The following CNTNAP5 variants were observed in gnomAD, a reference collection of about 807,000 sequenced individuals.
The protein encoded by CNTNAP5 is contactin-associated protein-like 5.
CNTNAP5 carries 72 observed loss-of-function variants against 150.2 expected under a neutral mutation model. The observed-to-expected ratio is 0.48, with a 90% CI of 0.40 to 0.58. The LOEUF (loss-of-function observed/expected upper bound fraction) is 0.58, where lower values mean the gene tolerates loss of function less well. Ranked by LOEUF, CNTNAP5 falls within the 20% of genes least tolerant of loss-of-function variation. CNTNAP5 has a pLI of 0.00. For synonymous variants in CNTNAP5, 672 were observed against 619.8 expected (o/e 1.08, Z -1.25); for missense variants, 1,636 against 1,626.2 (o/e 1.01, Z -0.10).
chr2:124,650,106 A>G (rs1033644052), intron 13 of CNTNAP5, among the ~76,000 whole-genome samples: 1 of 152,132 alleles, frequency 6.6e-6, no homozygotes, highest in African/African-American at 2.4e-5. Flanking sequence ...AGGAAGACAC[A>G]CCATATTTTT....
chr2:124,160,417 G>T (rs542388811), intron 1 of CNTNAP5, among the ~76,000 whole-genome samples: 23 of 151,602 alleles, frequency 1.5e-4, no homozygotes, highest in African/African-American at 5.4e-4. Flanking sequence ...ATAACATTAA[G>T]GTGATCAGAT....
At chr2:124,773,155 AT>A in intron 17 of CNTNAP5, 138 bp downstream of exon 17, 1 of 700,422 alleles carries the variant, frequency 1.4e-6, no homozygotes, top group Non-Finnish European at 2.5e-6. Flanking sequence ...GGTAAATTTC[AT>A]TCTATACATT....
intron 13 of CNTNAP5, among the ~76,000 whole-genome samples, chr2:124,697,502 A>G (rs1046787915): frequency 1.3e-5 from 2 of 151,864 alleles, no homozygotes; most frequent in Non-Finnish European, 2.9e-5. Flanking sequence ...TGTTTATTCA[A>G]TACTTGACTT....
chr2:124,775,792 T>G (rs997746708), intron 17 of CNTNAP5, among the ~76,000 whole-genome samples: 6 of 152,168 alleles, frequency 3.9e-5, no homozygotes, highest in African/African-American at 1.4e-4. Flanking sequence ...ATGCAGCTTC[T>G]GAAATGTAAG....
chr2:124,126,328 G>A (rs1036475566), intron 1 of CNTNAP5, among the ~76,000 whole-genome samples: 7 of 152,056 alleles, frequency 4.6e-5, no homozygotes, highest in Non-Finnish European at 8.8e-5. Flanking sequence ...TAAATTCCTC[G>A]ACACATACAC....
chr2:124,764,021 C>T lies in CNTNAP5; in HGVS notation c.2407C>T (p.Leu803Phe). The T allele has an allele frequency of 6.2e-6, 10 of 1,613,346 alleles. No homozygotes were observed. Among genetic ancestry groups the T allele is most frequent in the Non-Finnish European group, 8.5e-6 (10 of 1,179,470 alleles). The part of the protein sequence containing the change: ...AVSFYTEASY[L>F]HFPTFHAEFS... The stretch of plus-strand genomic sequence containing the variant: ...CTCATTTTATACAGAAGCCTCTTAC[C>T]TCCACTTTCCTACCTTCCATGCGGA... The change falls in exon 16 of 24, where the codon CTC becomes TTC. Residue 803 changes from leucine (L) to phenylalanine (F), a missense_variant. Coordinates refer to ENST00000682447, the MANE Select transcript of CNTNAP5 (RefSeq NM_001367498.1).
At chr2:124,743,884 G>A (rs940480933) in intron 13 of CNTNAP5, among the ~76,000 whole-genome samples, 4 of 152,070 alleles carry the variant, frequency 2.6e-5, no homozygotes, top group Admixed American at 6.6e-5. Context: ...GCCCTGATTT[G>A]TTCTTTATGT....
At chr2:124,042,812 A>ATCTATCTC (rs1187142350) in intron 1 of CNTNAP5, among the ~76,000 whole-genome samples, 1 of 151,818 alleles carries the variant, frequency 6.6e-6, no homozygotes, top group Non-Finnish European at 1.5e-5. Context: ...CTATCTATCT[A>ATCTATCTC]TCTATCTATC....
intron 3 of CNTNAP5, among the ~76,000 whole-genome samples, chr2:124,283,950 G>C (rs1312061703): frequency 6.6e-6 from 1 of 152,182 alleles, no homozygotes; most frequent in African/African-American, 2.4e-5. Context: ...GTTTCAACAT[G>C]TCAGTACTGG....
At chr2:124,564,327 G>A (rs993802016) in intron 11 of CNTNAP5, among the ~76,000 whole-genome samples, 5 of 152,010 alleles carry the variant, frequency 3.3e-5, no homozygotes, top group Non-Finnish European at 4.4e-5. Context: ...AAGAATATGA[G>A]CCTTGATTTT....
At chr2:124,637,887 A>C (rs1380109031) in intron 12 of CNTNAP5, among the ~76,000 whole-genome samples, 1 of 151,908 alleles carries the variant, frequency 6.6e-6, no homozygotes, top group Non-Finnish European at 1.5e-5. Context: ...CTTGCATGGA[A>C]AGATATTCTC....
At chr2:124,836,940 A>C (rs1205215771) in intron 19 of CNTNAP5, among the ~76,000 whole-genome samples, 1 of 152,036 alleles carries the variant, frequency 6.6e-6, no homozygotes. Context: ...ACCTATCTCT[A>C]AGGTCTTAAG....
At chr2:124,360,872 G>C (rs964774332) in intron 3 of CNTNAP5, among the ~76,000 whole-genome samples, 2 of 139,648 alleles carry the variant, frequency 1.4e-5, no homozygotes, top group Non-Finnish European at 1.5e-5. Flanking sequence ...CTAGATTGGG[G>C]AAGTTCTCCT....
chr2:124,150,010 T>C (rs1684366272), intron 1 of CNTNAP5, among the ~76,000 whole-genome samples: 1 of 152,178 alleles, frequency 6.6e-6, no homozygotes, highest in African/African-American at 2.4e-5. Context: ...TTGTACCCTC[T>C]CTGCTTTACT....
intron 13 of CNTNAP5, among the ~76,000 whole-genome samples, chr2:124,699,541 G>A (rs1302532861): frequency 6.6e-6 from 1 of 152,114 alleles, no homozygotes; most frequent in African/African-American, 2.4e-5. Context: ...TGGGAAATGG[G>A]ATTTCTCAGA....
intron 3 of CNTNAP5, among the ~76,000 whole-genome samples, chr2:124,314,852 A>C (rs1420635365): frequency 6.6e-6 from 1 of 152,180 alleles, no homozygotes; most frequent in Non-Finnish European, 1.5e-5. Flanking sequence ...TATCTAATAA[A>C]ATATCATTAA....
Position 124,153,763 on chromosome 2 carries a change from C to A in CNTNAP5, c.83-67942C>A, listed in dbSNP as rs2104637821. Among the ~76,000 whole-genome samples the A allele has an allele frequency of 2.0e-5, 3 of 151,776 alleles. No homozygotes were observed. The South Asian group carries it at 6.3e-4, about 32-fold the overall frequency. ...TAGCTGAGATTACAGGCGTATGCCA[C>A]CACACCCCGCTAATTTTTGTATTTT... On this transcript the variant is annotated intron_variant, in intron 1 of 23. Transcript: ENST00000682447.
At chr2:124,462,594 A>T (rs1334228772) in intron 6 of CNTNAP5, among the ~76,000 whole-genome samples, 2 of 152,152 alleles carry the variant, frequency 1.3e-5, no homozygotes, top group Non-Finnish European at 2.9e-5. Flanking sequence ...AGTAGGTTTT[A>T]ATTAGTGTGC....
rs559102253 is a variant in CNTNAP5 at position 124,710,934 on chromosome 2, T to A, written c.2078-36295T>A. Reference sequence around the variant, plus strand: ...TCATGTTGTAGTAGATTCTTCTTTCTTCACTTCTTGATTTTTTGAATTTAT... The same window carrying A: ...TCATGTTGTAGTAGATTCTTCTTTCATCACTTCTTGATTTTTTGAATTTAT... On this transcript the variant is annotated intron_variant, in intron 13 of 23. Coordinates refer to ENST00000682447, the MANE Select transcript of CNTNAP5 (RefSeq NM_001367498.1). 3.7e-4 allele frequency among the ~76,000 whole-genome samples: 57 copies of A among 152,310 alleles called. 1 individual carries two copies. Among genetic ancestry groups the A allele is most frequent in the Non-Finnish European group, 5.7e-4 (39 of 68,024 alleles).
Sources: gnomAD v4.1 joint callset for allele counts (sites outside exome capture counted in the v4.1 genomes callset) on GRCh38, gnomAD v4.1.1 for gene constraint, MANE v1.5 for transcripts, NCBI Gene and HGNC (gene_info 2026-07-23, HGNC 2026-07-21) for gene names.